The following ZNF229 variants were observed in gnomAD, a reference collection of about 807,000 sequenced individuals.
ZNF229 encodes zinc finger protein 229.
Under a neutral mutation model 11.8 loss-of-function variants are expected in ZNF229, and 10 were observed. The ratio of observed to expected loss-of-function variants is 0.85; its 90% CI spans 0.52 to 1.44. ZNF229 has a LOEUF of 1.44. Ranked by LOEUF, ZNF229 falls within the 40% of genes most tolerant of loss-of-function variation. ZNF229 has a pLI of 0.00. For synonymous variants in ZNF229, 368 were observed against 374.8 expected, an observed-to-expected ratio of 0.98 and a Z score of 0.21; for missense variants, 1,045 against 1,015.1, an observed-to-expected ratio of 1.03 and a Z score of -0.40.
rs375054407 is a variant in ZNF229 at position 44,442,877 on chromosome 19, G to A, written c.-30C>T. On this transcript the variant is annotated 5_prime_UTR_variant, in exon 3 of 6. Coordinates refer to ENST00000614049, the MANE Select transcript of ZNF229 (RefSeq NM_014518.4). ...TCTTCTGCTAGGTTCTCTGCGAGCA[G>A]CAGCAACTGTATTTATTCTCTGGTT... The A allele has an allele frequency of 6.2e-7, 1 of 1,606,424 alleles. No homozygotes were observed.
At chr19:44,432,473 A>C in intron 4 of ZNF229, 107 bp from the exon 5 acceptor site, 1 of 1,491,922 alleles carries the variant, frequency 6.7e-7, no homozygotes, top group Admixed American at 2.4e-5. Flanking sequence ...GATTAAGAAA[A>C]TGTGGCACAT....
chr19:44,431,734 G>T, intron 5 of ZNF229: 1 of 985,650 alleles, frequency 1.0e-6, no homozygotes, highest in Non-Finnish European at 1.2e-6. Context: ...CAAGGCTCTT[G>T]TCTCCAAGAC....
chr19:44,432,076 G>A lies in ZNF229; in HGVS notation c.238+146C>T, dbSNP rs1600014762. On this transcript the variant is annotated intron_variant, in intron 5 of 5. Coordinates refer to ENST00000614049, the MANE Select transcript of ZNF229 (RefSeq NM_014518.4). ...CTGTGCCTTCCAGAAATAAACTTCT[G>A]TTGTTTATATGCCACTCAGTCTGGC... 17 of 1,404,976 alleles carry A rather than the reference G, an allele frequency of 1.2e-5. No individual in the cohort carries two copies. The South Asian group carries it at 1.9e-4, about 16-fold the overall frequency. 87.0% of individuals were successfully genotyped at this position (1,404,976 alleles called of 1,614,324 possible).
intron 2 of ZNF229, among the ~76,000 whole-genome samples, chr19:44,446,476 T>A (rs1413632325): frequency 6.6e-6 from 1 of 152,170 alleles, no homozygotes; most frequent in East Asian, 1.9e-4. Flanking sequence ...ATAAAGATAA[T>A]CCTTACTTGC....
rs1428154818 is a variant in ZNF229 at position 44,428,729 on chromosome 19, A to G, written c.2052T>C (p.Tyr684=). The change falls in exon 6 of 6, where the codon TAT becomes TAC. Residue 684 remains tyrosine (Y), a synonymous_variant. Coordinates refer to ENST00000614049, the MANE Select transcript of ZNF229 (RefSeq NM_014518.4). ...ATCCCTTGCCACACTGATCACACGT[A>G]TAGGGCTTTTTTCCCGTGTGGACTC... ...HQRVHTGKKP[Y]TCDQCGKGFS... is the part of the protein sequence containing the mutation. 6.2e-7 allele frequency: 1 copy of G among 1,613,406 alleles called. No individual in the cohort carries two copies. The highest frequency in any genetic ancestry group is 1.3e-5 in the African/African-American group (1 of 74,618).
rs892142243 is a variant in ZNF229 at position 44,438,667 on chromosome 19, C to T, written c.93+3896G>A. On this transcript the variant is annotated intron_variant, in intron 4 of 5. Transcript: ENST00000614049. ...GGATTAGAGGATTAGACTTATAGTA[C>T]TTCCCCCTCCCCCAACCTCCAGTGA... Among the ~76,000 whole-genome samples the T allele has an allele frequency of 3.6e-4, 55 of 152,220 alleles. No homozygotes were observed. In the Middle Eastern group the frequency reaches 0.01, roughly 28 times the overall value.
At chr19:44,435,547 G>T (rs7250492) in intron 4 of ZNF229, among the ~76,000 whole-genome samples, 213 of 152,044 alleles carry the variant, frequency 1.4e-3, no homozygotes, top group African/African-American at 4.9e-3. Flanking sequence ...GATCAGCGGA[G>T]ACTCGGTGCC....
At chr19:44,440,169 TA>T (rs1175760007) in intron 4 of ZNF229, among the ~76,000 whole-genome samples, 2 of 151,630 alleles carry the variant, frequency 1.3e-5, no homozygotes, top group African/African-American at 2.4e-5. Flanking sequence ...AAATCGCAGC[TA>T]GGATTGGAAG....
chr19:44,436,347 G>C (rs1291232621), intron 4 of ZNF229, among the ~76,000 whole-genome samples: 1 of 151,916 alleles, frequency 6.6e-6, no homozygotes, highest in Non-Finnish European at 1.5e-5. Context: ...GGGTGACAGA[G>C]AGAACCGTGT....
intron 4 of ZNF229, among the ~76,000 whole-genome samples, chr19:44,434,661 T>C (rs145636328): frequency 1.4e-3 from 214 of 152,358 alleles, no homozygotes; most frequent in African/African-American, 4.9e-3. Context: ...CTCAGAATTA[T>C]ACTTTGCCTT....
intron 4 of ZNF229, among the ~76,000 whole-genome samples, chr19:44,439,931 A>G (rs1971878967): frequency 6.6e-6 from 1 of 152,320 alleles, no homozygotes; most frequent in South Asian, 2.1e-4. Context: ...AATGAAATAT[A>G]TATAAACTAG....
chr19:44,445,250 C>T (rs1301666316), intron 2 of ZNF229, among the ~76,000 whole-genome samples: 1 of 152,098 alleles, frequency 6.6e-6, no homozygotes, highest in Non-Finnish European at 1.5e-5. Context: ...TGACAGCCCC[C>T]TAAATGGCCT....
chr19:44,442,782 T>TCGCCCCCCCCCCC, intron 3 of ZNF229, 32 bp downstream of exon 3: 2 of 1,545,184 alleles, frequency 1.3e-6, no homozygotes, highest in Non-Finnish European at 1.8e-6. Flanking sequence ...GTTTGGATTC[T>TCGCCCCCCCCCCC]CCCCCCACCC....
chr19:44,434,442 C>T (rs1266310348), intron 4 of ZNF229, among the ~76,000 whole-genome samples: 1 of 152,138 alleles, frequency 6.6e-6, no homozygotes, highest in East Asian at 1.9e-4. Context: ...TCAAAAGTAG[C>T]ATTTTGAACC....
chr19:44,430,702 TA>T (rs1971708367), intron 5 of ZNF229, among the ~76,000 whole-genome samples, 160 bp from the exon 6 acceptor site: 1 of 152,156 alleles, frequency 6.6e-6, no homozygotes, highest in Admixed American at 6.5e-5. Flanking sequence ...AGGCTCCTAT[TA>T]ATAAGTTTTG....
At chr19:44,447,853 G>C (rs1177385267) in intron 1 of ZNF229, among the ~76,000 whole-genome samples, 1 of 152,158 alleles carries the variant, frequency 6.6e-6, no homozygotes, top group Non-Finnish European at 1.5e-5. Context: ...GAGACAAGGA[G>C]AATCAAGACA....
In ZNF229 at chr19:44,427,728, A is replaced by G. The variant is rs958136020; in HGVS notation, c.*575T>C. On this transcript the variant is annotated 3_prime_UTR_variant, in exon 6 of 6. Coordinates refer to ENST00000614049, the MANE Select transcript of ZNF229 (RefSeq NM_014518.4). Reference sequence around the variant, plus strand: ...GTAAAGCTTACCTGCAAGATAAAACAGTCATAAAAACATGATAAAAATGTG... The same window carrying G: ...GTAAAGCTTACCTGCAAGATAAAACGGTCATAAAAACATGATAAAAATGTG... 1 of 149,840 alleles carries G rather than the reference A, an allele frequency of 6.7e-6. No individual in the cohort carries two copies. Among genetic ancestry groups the G allele is most frequent in the African/African-American group, 2.4e-5 (1 of 41,252 alleles). 9.3% of individuals were successfully genotyped at this position (149,840 alleles called of 1,614,324 possible). A position where few individuals can be genotyped will look rare whatever the true frequency, so the allele number is the denominator to read the frequency against.
At chr19:44,446,363 G>A (rs1972003235) in intron 2 of ZNF229, among the ~76,000 whole-genome samples, 1 of 152,192 alleles carries the variant, frequency 6.6e-6, no homozygotes, top group South Asian at 2.1e-4. Context: ...CAAAACTGGA[G>A]TTATCAAAAG....
At chr19:44,443,344 C>T (rs1971949431) in intron 2 of ZNF229, among the ~76,000 whole-genome samples, 1 of 152,186 alleles carries the variant, frequency 6.6e-6, no homozygotes, top group African/African-American at 2.4e-5. Context: ...AGAGGAAAAG[C>T]TTTATTAACG....
Sources: allele counts gnomAD v4.1 joint callset (sites outside exome capture counted in the v4.1 genomes callset), GRCh38; gene constraint gnomAD v4.1.1; transcripts MANE v1.5; gene names NCBI Gene and HGNC (gene_info 2026-07-23, HGNC 2026-07-21).